The following GRID1 variants were observed in gnomAD, a reference collection of about 807,000 sequenced individuals.
The protein encoded by GRID1 is glutamate receptor ionotropic, delta-1.
Under a neutral mutation model 98.0 loss-of-function variants are expected in GRID1, and 28 were observed. That is an observed-to-expected ratio of 0.29 (90% CI 0.21 to 0.39). GRID1 has a LOEUF of 0.39. GRID1 is among the 10% of genes least tolerant of loss of function. The probability of loss-of-function intolerance (pLI) is 1.00; values close to 1 mark genes in which losing one functional copy is unlikely to be tolerated. For synonymous variants in GRID1, 553 were observed against 538.5 expected (o/e 1.03, Z -0.37); for missense variants, 1,111 against 1,340.5 (o/e 0.83, Z 2.67).
chr10:86,210,729 C>G (rs948982224), intron 2 of GRID1, among the ~76,000 whole-genome samples: 1 of 152,150 alleles, frequency 6.6e-6, no homozygotes, highest in African/African-American at 2.4e-5. Flanking sequence ...TGGAGAGGCC[C>G]GATGTGAGTC....
chr10:86,059,303 T>A (rs764788551), intron 4 of GRID1, among the ~76,000 whole-genome samples: 1 of 152,160 alleles, frequency 6.6e-6, no homozygotes, highest in Admixed American at 6.5e-5. Context: ...AACCTGCAGG[T>A]CACTCCTTAA....
intron 12 of GRID1, among the ~76,000 whole-genome samples, chr10:85,658,732 G>C (rs1840930974): frequency 6.6e-6 from 1 of 152,116 alleles, no homozygotes; most frequent in African/African-American, 2.4e-5. Context: ...CATGGGAAGG[G>C]TGAGGCTGAG....
chr10:85,872,589 C>A (rs1316570287), intron 5 of GRID1, among the ~76,000 whole-genome samples: 1 of 152,222 alleles, frequency 6.6e-6, no homozygotes, highest in Non-Finnish European at 1.5e-5. Context: ...TCCCTGGCAA[C>A]CTGGGGCAGC....
intron 6 of GRID1, among the ~76,000 whole-genome samples, chr10:85,868,487 TG>T (rs1843244347): frequency 6.6e-6 from 1 of 152,116 alleles, no homozygotes; most frequent in African/African-American, 2.4e-5. Flanking sequence ...ACCATGCGGG[TG>T]GGGTTCCATG....
At chr10:85,613,154 T>A in intron 15 of GRID1, 1 of 539,888 alleles carries the variant, frequency 1.9e-6, no homozygotes, top group Non-Finnish European at 3.3e-6. Flanking sequence ...GCTCTATAGA[T>A]AAATACAGGA....
intron 12 of GRID1, among the ~76,000 whole-genome samples, chr10:85,699,020 G>A (rs1841423786): frequency 6.6e-6 from 1 of 151,806 alleles, no homozygotes. Flanking sequence ...GAATTTTTTT[G>A]TTTGTTTGTT....
intron 12 of GRID1, among the ~76,000 whole-genome samples, chr10:85,691,418 G>A (rs894556868): frequency 6.6e-6 from 1 of 151,896 alleles, no homozygotes; most frequent in Non-Finnish European, 1.5e-5. Context: ...CAATTTCCTT[G>A]CTTGTCTCTT....
Position 86,162,994 on chromosome 10 carries a change from C to T in GRID1, c.521-23970G>A, listed in dbSNP as rs150752580. On this transcript the variant is annotated intron_variant, in intron 3 of 15. Transcript: ENST00000327946. The stretch of plus-strand genomic sequence containing the variant: ...TCAGGGGGTTGTTGAGTTGGAGAGG[C>T]CTGTACTAAGTAAGTAGCACATTAG... Among the ~76,000 whole-genome samples the T allele has an allele frequency of 2.9e-3, 440 of 152,270 alleles. 4 individuals carry two copies. Among genetic ancestry groups the T allele is most frequent in the African/African-American group, 0.01 (421 of 41,552 alleles).
chr10:86,205,859 A>AGCCCC (rs1846018178), intron 3 of GRID1, among the ~76,000 whole-genome samples: 2 of 151,996 alleles, frequency 1.3e-5, no homozygotes, highest in Non-Finnish European at 2.9e-5. Context: ...CAGTGTTCCC[A>AGCCCC]ACCCCCAACC....
intron 14 of GRID1, among the ~76,000 whole-genome samples, chr10:85,617,422 C>T (rs1486972646): frequency 6.6e-6 from 1 of 152,030 alleles, no homozygotes; most frequent in Non-Finnish European, 1.5e-5. Context: ...TTAGTAGAGA[C>T]AGGGTTTTGC....
Position 86,267,430 on chromosome 10 carries a change from G to T in GRID1, c.236-60782C>A, listed in dbSNP as rs78685785. Among the ~76,000 whole-genome samples, 476 of 152,332 alleles carry T rather than the reference G, an allele frequency of 3.1e-3. 2 individuals are homozygous for T. The highest frequency in any genetic ancestry group is 0.011 in the African/African-American group (457 of 41,568). On this transcript the variant is annotated intron_variant, in intron 2 of 15. Transcript: ENST00000327946. ...GCCCATCTCTTCCTGACACCAAACT[G>T]CAGCTCCAGGAAGTACAGGCGGCAG... is the stretch of plus-strand genomic sequence containing the variant.
chr10:86,352,565 C>T (rs551709932), intron 2 of GRID1, among the ~76,000 whole-genome samples: 82 of 152,242 alleles, frequency 5.4e-4, no homozygotes, highest in African/African-American at 1.9e-3. Context: ...GCAAGCTCTC[C>T]GGTGTCTCTT....
chr10:85,682,623 G>A (rs1841223480), intron 12 of GRID1, among the ~76,000 whole-genome samples: 1 of 152,160 alleles, frequency 6.6e-6, no homozygotes, highest in Non-Finnish European at 1.5e-5. Context: ...TATAAACACA[G>A]ACAAACATCT....
intron 2 of GRID1, among the ~76,000 whole-genome samples, chr10:86,243,496 G>C (rs1846670329): frequency 6.6e-6 from 1 of 152,278 alleles, no homozygotes; most frequent in African/African-American, 2.4e-5. Flanking sequence ...TAACCACCCT[G>C]TGAGCTAGAC....
chr10:86,329,533 G>A (rs1219641237), intron 2 of GRID1, among the ~76,000 whole-genome samples: 1 of 152,166 alleles, frequency 6.6e-6, no homozygotes, highest in Non-Finnish European at 1.5e-5. Flanking sequence ...GGGGTGGGCC[G>A]AGTGTGCAGA....
chr10:85,631,392 T>C (rs988009669), intron 13 of GRID1, among the ~76,000 whole-genome samples: 2 of 152,248 alleles, frequency 1.3e-5, no homozygotes, highest in African/African-American at 4.8e-5. Context: ...GTTAATGACA[T>C]CTGCCTCCAG....
chr10:86,032,265 G>C (rs1056888947), intron 4 of GRID1, among the ~76,000 whole-genome samples: 2 of 152,006 alleles, frequency 1.3e-5, no homozygotes, highest in African/African-American at 4.8e-5. Context: ...GCCTCTGCCC[G>C]GCCACCCCGT....
chr10:85,825,443 G>A (rs895000419), intron 8 of GRID1, among the ~76,000 whole-genome samples: 18 of 151,218 alleles, frequency 1.2e-4, no homozygotes, highest in African/African-American at 4.4e-4. Context: ...TTAGTCATTT[G>A]TCAGATGCAT....
chr10:85,929,820 T>C (rs569117368), intron 4 of GRID1, among the ~76,000 whole-genome samples: 1 of 152,342 alleles, frequency 6.6e-6, no homozygotes, highest in South Asian at 2.1e-4. Context: ...TTTACTTCCA[T>C]ATTTCTTAAT....
Sources: allele counts gnomAD v4.1 joint callset (sites outside exome capture counted in the v4.1 genomes callset), GRCh38; gene constraint gnomAD v4.1.1; transcripts MANE v1.5; gene names NCBI Gene and HGNC (gene_info 2026-07-23, HGNC 2026-07-21).